The following GRIP1 variants were observed in gnomAD, a reference collection of about 807,000 sequenced individuals.
GRIP1 encodes glutamate receptor-interacting protein 1.
GRIP1 carries 45 observed loss-of-function variants against 129.9 expected under a neutral mutation model. That is an observed-to-expected ratio of 0.35 (90% CI 0.27 to 0.44). GRIP1 has a LOEUF of 0.44. GRIP1 is among the 20% of genes least tolerant of loss of function. The pLI is 1.00. For missense variants in GRIP1, 1,196 were observed against 1,396.8 expected (o/e 0.86, Z 2.29); for synonymous variants, 530 against 520.8 (o/e 1.02, Z -0.24).
intron 1 of GRIP1, among the ~76,000 whole-genome samples, chr12:66,758,867 A>G (rs2136658366): frequency 6.6e-6 from 1 of 152,302 alleles, no homozygotes; most frequent in East Asian, 1.9e-4. Flanking sequence ...GGTCTTGGGC[A>G]GCTCTGCTCC....
chr12:66,858,980 A>G (rs1434631448), intron 1 of GRIP1, among the ~76,000 whole-genome samples: 1 of 151,984 alleles, frequency 6.6e-6, no homozygotes, highest in Non-Finnish European at 1.5e-5. Flanking sequence ...ACAAATGATC[A>G]CTATACCCAT....
intron 1 of GRIP1, among the ~76,000 whole-genome samples, chr12:66,975,759 G>C (rs2042142047): frequency 6.6e-6 from 1 of 152,150 alleles, no homozygotes; most frequent in African/African-American, 2.4e-5. Context: ...ATGGAGGTTT[G>C]GACCAAGGCA....
intron 1 of GRIP1, among the ~76,000 whole-genome samples, chr12:66,623,210 T>A (rs1329911747): frequency 6.6e-6 from 1 of 152,176 alleles, no homozygotes; most frequent in Non-Finnish European, 1.5e-5. Context: ...ATAGCCTAAG[T>A]CTCTCTGCTT....
chr12:66,803,850 G>T, intron 1 of GRIP1: 1 of 265,288 alleles, frequency 3.8e-6, no homozygotes, highest in South Asian at 4.4e-5. Context: ...TACAGACCTT[G>T]GCTGGTGACA....
chr12:66,907,213 T>C lies in GRIP1; in HGVS notation c.58+161837A>G, dbSNP rs563631071. On this transcript the variant is annotated intron_variant, in intron 1 of 1. Coordinates refer to the GRIP1 transcript ENST00000643019. ...GTGTAAGTTCTATGAGAGAAGTACA[T>C]TTTTGCTAGTGGGGAGGAGAACTTT... is the stretch of plus-strand genomic sequence containing the variant. Among the ~76,000 whole-genome samples, 19 of 152,298 alleles carry C rather than the reference T, an allele frequency of 1.2e-4. No homozygotes were observed. In the East Asian group the frequency reaches 3.7e-3, roughly 29 times the overall value.
chr12:66,964,929 G>T (rs1483457960), intron 1 of GRIP1, among the ~76,000 whole-genome samples: 1 of 151,948 alleles, frequency 6.6e-6, no homozygotes, highest in Admixed American at 6.6e-5. Flanking sequence ...GATGTTTCTG[G>T]TGTCTCTTTG....
At chr12:66,909,485 A>G (rs1289935738) in intron 1 of GRIP1, among the ~76,000 whole-genome samples, 2 of 152,266 alleles carry the variant, frequency 1.3e-5, no homozygotes, top group African/African-American at 4.8e-5. Flanking sequence ...TGTATATAGA[A>G]CATTTCAACA....
intron 1 of GRIP1, among the ~76,000 whole-genome samples, chr12:66,651,106 AT>A (rs1458081383): frequency 1.3e-5 from 2 of 152,158 alleles, no homozygotes; most frequent in African/African-American, 4.8e-5. Flanking sequence ...CTAGTAGAAC[AT>A]TTGTTTCCTA....
intron 23 of GRIP1, among the ~76,000 whole-genome samples, chr12:66,362,524 T>C (rs2054838317): frequency 6.6e-6 from 1 of 151,888 alleles, no homozygotes; most frequent in Admixed American, 6.5e-5. Flanking sequence ...AGGAGGACGA[T>C]AGGACTGTTC....
intron 23 of GRIP1, among the ~76,000 whole-genome samples, chr12:66,355,808 AG>A (rs1377003948): frequency 6.6e-6 from 1 of 152,120 alleles, no homozygotes; most frequent in Non-Finnish European, 1.5e-5. Flanking sequence ...CCTGTCACAT[AG>A]TGGGGTTAGT....
intron 7 of GRIP1, among the ~76,000 whole-genome samples, chr12:66,480,327 T>G (rs994349313): frequency 2.0e-5 from 3 of 152,010 alleles, no homozygotes; most frequent in African/African-American, 7.3e-5. Context: ...ACAAAGTGAA[T>G]AAAATACATA....
At chr12:66,910,697 C>T (rs2041014753) in intron 1 of GRIP1, among the ~76,000 whole-genome samples, 1 of 152,054 alleles carries the variant, frequency 6.6e-6, no homozygotes, top group Non-Finnish European at 1.5e-5. Context: ...AATGAAGAGA[C>T]TGAGAATCAA....
intron 1 of GRIP1, among the ~76,000 whole-genome samples, chr12:66,974,298 A>C (rs987614634): frequency 2.0e-5 from 3 of 152,038 alleles, no homozygotes; most frequent in African/African-American, 7.2e-5. Context: ...ATACACATAC[A>C]TATTTCTTAC....
At chr12:66,814,377 G>A in intron 1 of GRIP1, among the ~76,000 whole-genome samples, 1 of 151,944 alleles carries the variant, frequency 6.6e-6, no homozygotes, top group Admixed American at 6.6e-5. Context: ...TTACTGAAAG[G>A]AGCCTTCTTT....
chr12:66,939,312 A>G (rs2041545063), intron 1 of GRIP1, among the ~76,000 whole-genome samples: 1 of 152,090 alleles, frequency 6.6e-6, no homozygotes, highest in African/African-American at 2.4e-5. Context: ...ACATCACAGC[A>G]CACTAACCTG....
At chr12:66,467,852 G>A (rs1306552605) in intron 7 of GRIP1, among the ~76,000 whole-genome samples, 1 of 152,108 alleles carries the variant, frequency 6.6e-6, no homozygotes, top group African/African-American at 2.4e-5. Flanking sequence ...CACTTTCCAT[G>A]GTCTTGTTGG....
intron 1 of GRIP1, among the ~76,000 whole-genome samples, chr12:66,742,427 G>A (rs1174142109): frequency 6.6e-6 from 1 of 152,136 alleles, no homozygotes; most frequent in Non-Finnish European, 1.5e-5. Flanking sequence ...AGGGCATCCT[G>A]ACAAGACTAC....
rs184145858 is a variant in GRIP1 at position 66,472,964 on chromosome 12, C to T, written c.725-7542G>A. Among the ~76,000 whole-genome samples the T allele has an allele frequency of 2.0e-5, 3 of 152,238 alleles. No homozygotes were observed. The East Asian group carries it at 5.8e-4, about 29-fold the overall frequency. ...TCATACCCCAGTGGTGCCTGGAATG[C>T]CAGTGAGAGAGAACCATTCACTCCC... On this transcript the variant is annotated intron_variant, in intron 7 of 24. Coordinates refer to ENST00000359742, the MANE Select transcript of GRIP1 (RefSeq NM_001366722.1).
intron 1 of GRIP1, among the ~76,000 whole-genome samples, chr12:66,663,890 G>T (rs1297943023): frequency 1.3e-5 from 2 of 152,142 alleles, no homozygotes; most frequent in Non-Finnish European, 2.9e-5. Context: ...TCTAAGAATG[G>T]CTGGTGCATC....
Sources: allele counts gnomAD v4.1 joint callset (sites outside exome capture counted in the v4.1 genomes callset), GRCh38; gene constraint gnomAD v4.1.1; transcripts MANE v1.5; gene names NCBI Gene and HGNC (gene_info 2026-07-23, HGNC 2026-07-21).